SH3PXD2A: variants seen among roughly 807,000 people sequenced by gnomAD.
SH3PXD2A encodes SH3 and PX domains 2A.
In SH3PXD2A, 32 loss-of-function variants were observed where a neutral mutation model predicts 115.2. The ratio of observed to expected loss-of-function variants is 0.28; its 90% CI spans 0.21 to 0.37. SH3PXD2A has a LOEUF of 0.37. Among genes scored for constraint, SH3PXD2A ranks in the 10% least tolerant of loss-of-function variants. The pLI is 1.00. For synonymous variants in SH3PXD2A, 610 were observed against 629.1 expected (o/e 0.97, Z 0.45); for missense variants, 1,328 against 1,498.7 (o/e 0.89, Z 1.88).
At chr10:103,843,474 C>A (rs143721963) in intron 1 of SH3PXD2A, among the ~76,000 whole-genome samples, 1 of 152,220 alleles carries the variant, frequency 6.6e-6, no homozygotes, top group Non-Finnish European at 1.5e-5. Flanking sequence ...GGCAGCTGAA[C>A]CCTCTGAAGG....
intron 8 of SH3PXD2A, among the ~76,000 whole-genome samples, chr10:103,634,117 C>T (rs1390657100): frequency 6.6e-6 from 1 of 152,236 alleles, no homozygotes; most frequent in South Asian, 2.1e-4. Context: ...GAGCTTCCAG[C>T]TGCCTGTGAG....
chr10:103,745,399 C>A (rs1175507279), intron 3 of SH3PXD2A, among the ~76,000 whole-genome samples: 3 of 152,214 alleles, frequency 2.0e-5, no homozygotes, highest in Admixed American at 2.0e-4. Flanking sequence ...TCTGGCTCTG[C>A]CAGTTACTGT....
Position 103,726,850 on chromosome 10 carries a change from G to C in SH3PXD2A, c.307-2489C>G, listed in dbSNP as rs114805243. 9.4e-3 allele frequency among the ~76,000 whole-genome samples: 1,429 copies of C among 152,290 alleles called. 22 individuals carry two copies. The highest frequency in any genetic ancestry group is 0.033 in the African/African-American group (1,382 of 41,548). On this transcript the variant is annotated intron_variant, in intron 4 of 14. Transcript: ENST00000369774. The stretch of plus-strand genomic sequence containing the variant: ...CCCACACCCAGGCAAGATGAGGTAA[G>C]ACCAGACCATGGCAGATAAGAGAGC...
At chr10:103,720,498 A>G (rs1392583302) in intron 5 of SH3PXD2A, among the ~76,000 whole-genome samples, 2 of 152,228 alleles carry the variant, frequency 1.3e-5, no homozygotes, top group African/African-American at 4.8e-5. Flanking sequence ...CTTCTCTGGA[A>G]GATGGAAAGG....
chr10:103,659,070 C>T (rs2037253073), intron 8 of SH3PXD2A, among the ~76,000 whole-genome samples: 1 of 152,244 alleles, frequency 6.6e-6, no homozygotes, highest in Non-Finnish European at 1.5e-5. Flanking sequence ...AGCAGCTCCT[C>T]AGGAGAGCAG....
intron 8 of SH3PXD2A, among the ~76,000 whole-genome samples, chr10:103,651,096 T>C (rs1592282478): frequency 6.6e-6 from 1 of 152,132 alleles, no homozygotes; most frequent in South Asian, 2.1e-4. Context: ...AGGTGGCAGG[T>C]CTTCCTTAGG....
chr10:103,791,442 C>G (rs1472951095), intron 2 of SH3PXD2A, among the ~76,000 whole-genome samples: 2 of 152,222 alleles, frequency 1.3e-5, no homozygotes, highest in Admixed American at 1.3e-4. Flanking sequence ...AGACCCACAG[C>G]ACGGTGCATA....
chr10:103,738,703 A>G (rs552336257), intron 3 of SH3PXD2A, among the ~76,000 whole-genome samples: 125 of 152,220 alleles, frequency 8.2e-4, no homozygotes, highest in African/African-American at 2.9e-3. Flanking sequence ...GGGAAGATAA[A>G]TGGGGTCCCT....
chr10:103,832,021 T>G (rs11191818), intron 1 of SH3PXD2A, among the ~76,000 whole-genome samples: 67,654 of 151,992 alleles, frequency 0.45, 15,887 homozygotes, highest in Non-Finnish European at 0.51. Context: ...GAATTATATT[T>G]CATGGACAGA....
intron 8 of SH3PXD2A, among the ~76,000 whole-genome samples, chr10:103,638,371 C>T (rs1362828091): frequency 6.6e-6 from 1 of 152,266 alleles, no homozygotes; most frequent in Non-Finnish European, 1.5e-5. Flanking sequence ...GCCCACCTCA[C>T]CGAACAGGCC....
chr10:103,683,653 C>A (rs2037639604), intron 6 of SH3PXD2A, among the ~76,000 whole-genome samples: 1 of 152,140 alleles, frequency 6.6e-6, no homozygotes, highest in African/African-American at 2.4e-5. Flanking sequence ...TTAAGTAAGA[C>A]CCCATGTTAA....
At position 103,602,248 on chromosome 10, in the gene SH3PXD2A, G is replaced by T; in HGVS notation, c.2970C>A (p.Asp990Glu). The T allele has an allele frequency of 6.2e-7, 1 of 1,611,012 alleles. No individual in the cohort carries two copies. Among genetic ancestry groups the T allele is most frequent in the Non-Finnish European group, 8.5e-7 (1 of 1,178,650 alleles). ...QSVFVSPPPK[D>E]NNLSCALRRN... is the part of the protein sequence containing the mutation. ...TCCGCAGGGCGCAGGACAGGTTGTT[G>T]TCCTTGGGTGGCGGGGACACAAACA... is the stretch of plus-strand genomic sequence containing the variant. Residue 990 changes from aspartate (D) to glutamate (E), a missense_variant, in exon 15 of 15, where the codon GAC becomes GAA. Physicochemically the swap from Asp to Glu is conservative, Grantham distance 45. Transcript: ENST00000369774.
At chr10:103,692,764 C>T (rs577444120) in intron 6 of SH3PXD2A, among the ~76,000 whole-genome samples, 1 of 152,186 alleles carries the variant, frequency 6.6e-6, no homozygotes, top group South Asian at 2.1e-4. Context: ...CACCCACCCC[C>T]ACACCCACTA....
chr10:103,618,545 C>T (rs887819232), intron 10 of SH3PXD2A, among the ~76,000 whole-genome samples: 1 of 152,224 alleles, frequency 6.6e-6, no homozygotes, highest in African/African-American at 2.4e-5. Flanking sequence ...TCTGGCCATG[C>T]CCTTCTGAAG....
intron 3 of SH3PXD2A, among the ~76,000 whole-genome samples, chr10:103,763,135 G>A (rs1414315986): frequency 6.6e-6 from 1 of 152,060 alleles, no homozygotes; most frequent in Non-Finnish European, 1.5e-5. Context: ...GAGATTTTCT[G>A]CCAGGATTTG....
At chr10:103,778,311 G>C (rs139759339) in intron 2 of SH3PXD2A, among the ~76,000 whole-genome samples, 1 of 152,154 alleles carries the variant, frequency 6.6e-6, no homozygotes, top group Admixed American at 6.5e-5. Flanking sequence ...CAGCCTGGGC[G>C]ATAGAGCGAG....
At chr10:103,726,536 T>C (rs951390328) in intron 4 of SH3PXD2A, among the ~76,000 whole-genome samples, 3 of 152,186 alleles carry the variant, frequency 2.0e-5, no homozygotes, top group Non-Finnish European at 2.9e-5. Context: ...CAGATCCTAG[T>C]AGAGTACCTG....
At chr10:103,764,030 C>T (rs1589445785) in intron 3 of SH3PXD2A, among the ~76,000 whole-genome samples, 1 of 152,200 alleles carries the variant, frequency 6.6e-6, no homozygotes, top group African/African-American at 2.4e-5. Context: ...CACTAGCAGG[C>T]GAATCCTCAT....
intron 6 of SH3PXD2A, among the ~76,000 whole-genome samples, chr10:103,681,752 ACGCGCCCG>A (rs1412625916): frequency 7.6e-6 from 1 of 131,982 alleles, no homozygotes; most frequent in Non-Finnish European, 1.7e-5. Context: ...ACACACACAC[ACGCGCCCG>A]CGCGCGCGCG....
Sources: gnomAD v4.1 joint callset for allele counts (sites outside exome capture counted in the v4.1 genomes callset) on GRCh38, gnomAD v4.1.1 for gene constraint, MANE v1.5 for transcripts, NCBI Gene and HGNC (gene_info 2026-07-23, HGNC 2026-07-21) for gene names.